Variants in HDAC9 observed in about 807,000 individuals in gnomAD.
HDAC9 encodes the protein histone deacetylase 9, also known as MEF-2 interacting transcription repressor (MITR) protein.
A neutral mutation model predicts 139.4 loss-of-function variants in HDAC9; 41 were observed. The ratio of observed to expected loss-of-function variants is 0.29; its 90% CI spans 0.23 to 0.38. The LOEUF (loss-of-function observed/expected upper bound fraction) is 0.38. Ranked by LOEUF, HDAC9 falls within the 10% of genes least tolerant of loss-of-function variation. HDAC9 has a pLI of 1.00. For missense variants in HDAC9, 1,147 were observed against 1,297.0 expected, an observed-to-expected ratio of 0.88 and a Z score of 1.78; for synonymous variants, 517 against 476.2, an observed-to-expected ratio of 1.09 and a Z score of -1.12.
chr7:18,728,569 A>G (rs948698249), intron 13 of HDAC9, among the ~76,000 whole-genome samples: 7 of 152,190 alleles, frequency 4.6e-5, no homozygotes, highest in African/African-American at 1.7e-4. Context: ...ATCAAATGAA[A>G]TATATTGTAG....
rs138795785 is a variant in HDAC9, at chr7:18,717,955, T to C, written c.1732-9625T>C. Reference sequence around the variant, plus strand: ...TTTTACTATGATTTTAAAAAGTGTTTTTAACAACTTTATTAATATATTCAT... The same window carrying C: ...TTTTACTATGATTTTAAAAAGTGTTCTTAACAACTTTATTAATATATTCAT... On this transcript the variant is annotated intron_variant, in intron 12 of 25. Coordinates refer to ENST00000686413, the MANE Select transcript of HDAC9 (RefSeq NM_178425.4). Among the ~76,000 whole-genome samples the C allele has an allele frequency of 1.5e-3, 228 of 152,298 alleles. 2 individuals are homozygous for C. Among genetic ancestry groups the C allele is most frequent in the African/African-American group, 5.1e-3 (214 of 41,568 alleles).
intron 1 of HDAC9, among the ~76,000 whole-genome samples, chr7:18,394,949 C>T (rs1562948678): frequency 6.6e-6 from 1 of 152,208 alleles, no homozygotes; most frequent in East Asian, 1.9e-4. Flanking sequence ...TAAGACAAAA[C>T]TTCCACTGAG....
intron 1 of HDAC9, among the ~76,000 whole-genome samples, chr7:18,138,891 A>G (rs755833557): frequency 6.6e-6 from 1 of 152,148 alleles, no homozygotes; most frequent in Non-Finnish European, 1.5e-5. Context: ...CTGGCACTCT[A>G]GAATAATGAT....
intron 1 of HDAC9, among the ~76,000 whole-genome samples, chr7:18,452,376 G>T (rs1184251014): frequency 6.6e-6 from 1 of 152,156 alleles, no homozygotes; most frequent in Non-Finnish European, 1.5e-5. Context: ...AATATCAGAA[G>T]TGAGCCTTGG....
intron 17 of HDAC9, among the ~76,000 whole-genome samples, chr7:18,795,828 G>C (rs761991716): frequency 6.6e-6 from 1 of 152,168 alleles, no homozygotes; most frequent in Non-Finnish European, 1.5e-5. Flanking sequence ...CAGTGCCTAC[G>C]TGTCCCAGAC....
chr7:18,576,374 A>C (rs890680297), intron 2 of HDAC9, among the ~76,000 whole-genome samples: 5 of 152,112 alleles, frequency 3.3e-5, no homozygotes, highest in Non-Finnish European at 7.4e-5. Flanking sequence ...ACTATTTAGG[A>C]GTAGGGGCCA....
intron 22 of HDAC9, among the ~76,000 whole-genome samples, chr7:18,875,546 T>C (rs953945903): frequency 1.3e-5 from 2 of 152,212 alleles, no homozygotes; most frequent in Non-Finnish European, 2.9e-5. Flanking sequence ...TTCTGCACTC[T>C]AATTGTTCTA....
chr7:18,646,529 A>T (rs1315682383), intron 9 of HDAC9, among the ~76,000 whole-genome samples: 2 of 152,176 alleles, frequency 1.3e-5, no homozygotes, highest in African/African-American at 4.8e-5. Flanking sequence ...ATACTGGGAA[A>T]TTTTAAGGAA....
chr7:18,181,092 A>C (rs1202888616), intron 2 of HDAC9, among the ~76,000 whole-genome samples: 1 of 152,174 alleles, frequency 6.6e-6, no homozygotes, highest in South Asian at 2.1e-4. Flanking sequence ...ACCTTTAAGC[A>C]TGTCTGGGAA....
intron 2 of HDAC9, among the ~76,000 whole-genome samples, chr7:18,209,330 C>A (rs901617162): frequency 5.9e-5 from 9 of 152,156 alleles, no homozygotes; most frequent in Non-Finnish European, 5.9e-5. Flanking sequence ...TGCTAATAAG[C>A]CTCAGGGAGA....
intron 2 of HDAC9, among the ~76,000 whole-genome samples, chr7:18,279,664 C>T: frequency 6.6e-6 from 1 of 151,878 alleles, no homozygotes; most frequent in East Asian, 1.9e-4. Flanking sequence ...TGGGATTTCA[C>T]CATGTTGGCC....
chr7:18,226,430 A>G (rs544729798), intron 2 of HDAC9, among the ~76,000 whole-genome samples: 1 of 152,144 alleles, frequency 6.6e-6, no homozygotes, highest in East Asian at 1.9e-4. Flanking sequence ...AAAAAAAGGG[A>G]TAGAAGAGGC....
In HDAC9 at chr7:18,936,249, A is replaced by C. The variant is rs10266607; in HGVS notation, c.2937+307A>C. On this transcript the variant is annotated intron_variant, in intron 23 of 25. Coordinates refer to ENST00000686413, the MANE Select transcript of HDAC9 (RefSeq NM_178425.4). ...TGAATAAGAAATAAAACTTTAAAAA[A>C]TGTCTGGAGGTTTCTTGTAGGGTTA... is the stretch of plus-strand genomic sequence containing the variant. Among the ~76,000 whole-genome samples the C allele has an allele frequency of 1.7e-3, 258 of 152,246 alleles. 1 individual carries two copies. Among genetic ancestry groups the C allele is most frequent in the African/African-American group, 6.0e-3 (250 of 41,528 alleles).
At chr7:18,207,002 A>G (rs1435987208) in intron 2 of HDAC9, among the ~76,000 whole-genome samples, 2 of 144,972 alleles carry the variant, frequency 1.4e-5, no homozygotes, top group Admixed American at 7.1e-5. Context: ...ATGGTGCCAT[A>G]TTGGCTCACA....
chr7:18,567,718 A>G (rs1822842872), intron 2 of HDAC9, among the ~76,000 whole-genome samples: 1 of 152,142 alleles, frequency 6.6e-6, no homozygotes. Flanking sequence ...CCTAACTACC[A>G]GAACTATCTT....
At chr7:18,440,057 C>T (rs563818923) in intron 1 of HDAC9, among the ~76,000 whole-genome samples, 6 of 152,206 alleles carry the variant, frequency 3.9e-5, no homozygotes, top group African/African-American at 1.4e-4. Flanking sequence ...TTATTCATTA[C>T]ATCACTTCAT....
chr7:18,212,405 A>G (rs761554694), intron 2 of HDAC9, among the ~76,000 whole-genome samples: 33 of 152,314 alleles, frequency 2.2e-4, no homozygotes, highest in Middle Eastern at 3.4e-3. Flanking sequence ...ATGAGACAGC[A>G]TAATCTTGTG....
intron 6 of HDAC9, among the ~76,000 whole-genome samples, chr7:18,605,118 T>A (rs1476707993): frequency 6.6e-6 from 1 of 152,186 alleles, no homozygotes; most frequent in African/African-American, 2.4e-5. Flanking sequence ...TCTAGTTTCC[T>A]TTGATTTTTT....
intron 24 of HDAC9, among the ~76,000 whole-genome samples, chr7:18,966,256 C>T (rs1316917976): frequency 5.9e-5 from 9 of 152,156 alleles, no homozygotes; most frequent in South Asian, 2.1e-4. Flanking sequence ...TTAAGAAAAG[C>T]GTGTAGGGTC....
Sources: allele counts gnomAD v4.1 joint callset (sites outside exome capture counted in the v4.1 genomes callset), GRCh38; gene constraint gnomAD v4.1.1; transcripts MANE v1.5; gene names NCBI Gene and HGNC (gene_info 2026-07-23, HGNC 2026-07-21).